Variants in PRH1 observed in about 807,000 individuals in gnomAD.
The protein encoded by PRH1 is salivary acidic proline-rich phosphoprotein 1/2.
A neutral mutation model predicts 7.9 loss-of-function variants in PRH1; 7 were observed. That is an observed-to-expected ratio of 0.89 (90% confidence interval 0.50 to 1.67). The LOEUF is 1.67. Among genes scored for constraint, PRH1 ranks in the 40% most tolerant of loss-of-function variants. The pLI, the probability that PRH1 is intolerant of heterozygous loss-of-function variation, is 0.00. For missense variants in PRH1, 109 were observed against 223.6 expected, an observed-to-expected ratio of 0.49 and a Z score of 3.27; for synonymous variants, 45 against 80.8, an observed-to-expected ratio of 0.56 and a Z score of 2.38.
intron 1 of PRH1, among the ~76,000 whole-genome samples, chr12:11,081,609 G>C (rs9697518): frequency 2.1e-4 from 21 of 102,254 alleles, no homozygotes; most frequent in Admixed American, 3.9e-4. Flanking sequence ...CTGTTGCTGG[G>C]TCATCACCAC....
At chr12:10,938,979 C>A in intron 2 of PRH1, 1 of 1,612,894 alleles carries the variant, frequency 6.2e-7, no homozygotes, top group Non-Finnish European at 8.5e-7. Flanking sequence ...TTTTCAGTGG[C>A]AAATAAAGCT....
intron 2 of PRH1, chr12:10,929,371 G>A (rs1483380254): frequency 1.2e-6 from 2 of 1,613,496 alleles, no homozygotes; most frequent in Non-Finnish European, 1.7e-6. Context: ...TTGTGACTCT[G>A]ATTGGGGTTT....
intron 1 of PRH1, among the ~76,000 whole-genome samples, chr12:11,104,342 T>A (rs986786236): frequency 2.6e-5 from 4 of 152,140 alleles, no homozygotes; most frequent in Non-Finnish European, 4.4e-5. Context: ...ACTGTAGGGT[T>A]TTATCACCAA....
intron 1 of PRH1, chr12:11,030,750 A>T (rs80215478): frequency 6.3e-7 from 1 of 1,587,796 alleles, no homozygotes; most frequent in East Asian, 2.3e-5. Flanking sequence ...ATTAACAGCA[A>T]AAAACATAGC....
chr12:11,077,329 T>C lies in PRH1; in HGVS notation n.124-30141A>G. On this transcript the variant is annotated intron_variant and non_coding_transcript_variant, in intron 1 of 4. Coordinates refer to the PRH1 transcript ENST00000541977. ...CTTGTGAATCTATGGAGTTGAGGGT[T>C]GCTGTCCTTTCACTAAGCATGTGAC... 2 of 311,316 alleles carry C rather than the reference T, an allele frequency of 6.4e-6. 1 individual carries two copies. The highest frequency in any genetic ancestry group is 1.3e-5 in the Non-Finnish European group (2 of 157,450). 19.3% of individuals were successfully genotyped at this position (311,316 alleles called of 1,614,324 possible).
chr12:10,943,203 C>T (rs1950431706), intron 2 of PRH1, among the ~76,000 whole-genome samples: 1 of 152,150 alleles, frequency 6.6e-6, no homozygotes, highest in Non-Finnish European at 1.5e-5. Context: ...GTCAGAACTG[C>T]AATTTAGTCC....
chr12:10,966,043 A>G (rs1420170253), intron 2 of PRH1, among the ~76,000 whole-genome samples: 2 of 152,186 alleles, frequency 1.3e-5, no homozygotes, highest in Non-Finnish European at 2.9e-5. Context: ...ATACCCATCC[A>G]GAAAAAATGA....
intron 2 of PRH1, chr12:10,909,455 A>G (rs1487560659): frequency 2.1e-5 from 13 of 605,662 alleles, no homozygotes; most frequent in Non-Finnish European, 3.3e-5. Flanking sequence ...AGAAATCTCT[A>G]AAGTTTGCTG....
intron 2 of PRH1, among the ~76,000 whole-genome samples, chr12:10,904,664 C>CA (rs1188607856): frequency 1.3e-5 from 2 of 151,964 alleles, no homozygotes; most frequent in Admixed American, 6.6e-5. Context: ...CAACAAAAAA[C>CA]AAAAATTGAC....
At chr12:11,039,202 T>G (rs1487126306) in intron 1 of PRH1, among the ~76,000 whole-genome samples, 2 of 152,236 alleles carry the variant, frequency 1.3e-5, no homozygotes, top group African/African-American at 4.8e-5. Flanking sequence ...TCTGAATTTT[T>G]TTAAAGGCAG....
chr12:10,934,543 C>T (rs755935701), intron 2 of PRH1, among the ~76,000 whole-genome samples: 32 of 151,960 alleles, frequency 2.1e-4, no homozygotes, highest in Admixed American at 5.2e-4. Context: ...CTAAATGCAA[C>T]GCTGACAATT....
chr12:11,088,732 T>G lies in PRH1; in HGVS notation n.124-41544A>C, dbSNP rs1944790731. Among the ~76,000 whole-genome samples, 2 of 114,514 alleles carry G rather than the reference T, an allele frequency of 1.7e-5. 1 individual carries two copies. The highest frequency in any genetic ancestry group is 4.8e-4 in the South Asian group (2 of 4,178). The allele number at this position is 114,514 out of a possible 152,430, so 75.1% of individuals were successfully genotyped here. A position where few individuals can be genotyped will look rare whatever the true frequency, so the allele number is the denominator to read the frequency against. ...AGCAGAATCCAGAACAAAAGTGGGC[T>G]CTACAGAAGATATGGACTCTGCTCC... On this transcript the variant is annotated intron_variant and non_coding_transcript_variant, in intron 1 of 4. Coordinates refer to the PRH1 transcript ENST00000541977.
intron 1 of PRH1, among the ~76,000 whole-genome samples, chr12:11,157,685 T>C (rs1296827628): frequency 6.6e-6 from 1 of 152,208 alleles, no homozygotes; most frequent in East Asian, 1.9e-4. Flanking sequence ...TGTATTAAGT[T>C]TCACATAAGC....
At chr12:10,921,322 G>C (rs1950042234) in intron 2 of PRH1, among the ~76,000 whole-genome samples, 1 of 151,792 alleles carries the variant, frequency 6.6e-6, no homozygotes, top group Non-Finnish European at 1.5e-5. Flanking sequence ...TGTATATTTT[G>C]ATAGTCCATT....
intron 1 of PRH1, among the ~76,000 whole-genome samples, chr12:11,131,176 G>A (rs967098409): frequency 6.6e-6 from 1 of 152,218 alleles, no homozygotes; most frequent in African/African-American, 2.4e-5. Context: ...CAGCTGAGCA[G>A]ATACATTCTC....
chr12:11,004,326 TAAAATACAA>T (rs1333078740), intron 1 of PRH1, among the ~76,000 whole-genome samples: 1 of 151,958 alleles, frequency 6.6e-6, no homozygotes, highest in Non-Finnish European at 1.5e-5. Flanking sequence ...GAAAAAATAC[TAAAATACAA>T]AAAATACTAA....
chr12:10,967,114 C>CAA (rs35838979), intron 2 of PRH1, among the ~76,000 whole-genome samples: 12 of 99,308 alleles, frequency 1.2e-4, no homozygotes, highest in African/African-American at 1.6e-4. Context: ...GACTCCGTCT[C>CAA]AAAAAAAAAA....
chr12:11,025,152 G>C (rs1941844538), intron 1 of PRH1, among the ~76,000 whole-genome samples: 1 of 152,086 alleles, frequency 6.6e-6, no homozygotes, highest in Admixed American at 6.5e-5. Context: ...GGAGTAGCTG[G>C]GACTGCAGGT....
At chr12:11,087,586 A>G (rs201530839) in intron 1 of PRH1, among the ~76,000 whole-genome samples, 25 of 107,392 alleles carry the variant, frequency 2.3e-4, no homozygotes, top group East Asian at 6.9e-4. Flanking sequence ...GCAGGACCAA[A>G]GGGAAGCCTC....
Sources: allele counts gnomAD v4.1 joint callset (sites outside exome capture counted in the v4.1 genomes callset), GRCh38; gene constraint gnomAD v4.1.1; transcripts MANE v1.5; gene names NCBI Gene and HGNC (gene_info 2026-07-23, HGNC 2026-07-21).